RYR3: variants seen among roughly 807,000 people sequenced by gnomAD.
RYR3 encodes the protein brain ryanodine receptor-calcium release channel.
In RYR3, 207 loss-of-function variants were observed where a neutral mutation model predicts 584.3. The observed-to-expected ratio is 0.35, with a 90% CI of 0.32 to 0.40. The LOEUF (loss-of-function observed/expected upper bound fraction) is 0.40, where lower values mean the gene tolerates loss of function less well. Among genes scored for constraint, RYR3 ranks in the 10% least tolerant of loss-of-function variants. The pLI is 1.00. For missense variants in RYR3, 5,616 were observed against 6,089.2 expected (o/e 0.92, Z 2.59); for synonymous variants, 2,416 against 2,248.5 (o/e 1.07, Z -2.11).
intron 1 of RYR3, among the ~76,000 whole-genome samples, chr15:33,378,086 G>A (rs2040882953): frequency 6.6e-6 from 1 of 152,160 alleles, no homozygotes; most frequent in Non-Finnish European, 1.5e-5. Flanking sequence ...CTGGCCTGCT[G>A]TAAGAATTTA....
intron 1 of RYR3, among the ~76,000 whole-genome samples, chr15:33,464,491 C>CACACAA (rs2048316729): frequency 1.1e-5 from 1 of 89,102 alleles, no homozygotes; most frequent in African/African-American, 6.4e-5. Context: ...TATATATATA[C>CACACAA]ACATATATAT....
At chr15:33,505,023 C>G (rs2052347956) in intron 3 of RYR3, among the ~76,000 whole-genome samples, 2 of 152,180 alleles carry the variant, frequency 1.3e-5, no homozygotes, top group African/African-American at 4.8e-5. Context: ...CATTGCAAGT[C>G]TTTTTTCTTC....
intron 19 of RYR3, among the ~76,000 whole-genome samples, chr15:33,620,203 A>T (rs527341427): frequency 6.6e-6 from 1 of 152,198 alleles, no homozygotes; most frequent in East Asian, 1.9e-4. Flanking sequence ...CCTCTTTTCC[A>T]TGCAGCCCTT....
chr15:33,375,694 G>A (rs1396559826), intron 1 of RYR3, among the ~76,000 whole-genome samples: 1 of 152,190 alleles, frequency 6.6e-6, no homozygotes, highest in Non-Finnish European at 1.5e-5. Flanking sequence ...ACAGTAAAAT[G>A]CACAGATCTC....
In RYR3 at chr15:33,823,041, C is replaced by G; in HGVS notation, c.11041C>G (p.Gln3681Glu). The G allele has an allele frequency of 6.2e-7, 1 of 1,613,540 alleles. No individual in the cohort carries two copies. The highest frequency in any genetic ancestry group is 1.7e-5 in the Admixed American group (1 of 59,958). The change falls in exon 81 of 104, where the codon CAA becomes GAA. Residue 3681 changes from glutamine (Q) to glutamate (E), a missense_variant. Gln to Glu is a conservative substitution (Grantham distance 29). Around this residue, in one of 9 missense-constraint regions of RYR3, gnomAD observed 954 missense variants for 1,132.2 expected, o/e 0.84. Transcript: ENST00000634891. ...LKEKKDAGFF[Q>E]SLSGLMQSCS... is the part of the protein sequence containing the mutation. ...GGAGAAAAAGGATGCTGGATTCTTTCAAAGCCTTTCTGGTCTTATGCAGTC... is the reference window on the plus strand; with the variant it reads ...GGAGAAAAAGGATGCTGGATTCTTTGAAAGCCTTTCTGGTCTTATGCAGTC...
At chr15:33,721,792 A>G (rs533426045) in intron 43 of RYR3, among the ~76,000 whole-genome samples, 1 of 152,264 alleles carries the variant, frequency 6.6e-6, no homozygotes, top group Admixed American at 6.5e-5. Flanking sequence ...AGTTGTTCGA[A>G]CAAGCTACCA....
intron 67 of RYR3, among the ~76,000 whole-genome samples, chr15:33,791,907 T>C (rs1349476964): frequency 6.6e-5 from 10 of 151,416 alleles, no homozygotes; most frequent in Non-Finnish European, 1.3e-4. Context: ...GGGTACTAGA[T>C]AGGAGGAAGG....
chr15:33,624,950 T>C (rs2060909720), intron 20 of RYR3, among the ~76,000 whole-genome samples: 1 of 152,228 alleles, frequency 6.6e-6, no homozygotes, highest in African/African-American at 2.4e-5. Context: ...TCCATGTGTA[T>C]GTGTTCATGA....
Position 33,379,666 on chromosome 15 carries a change from C to CCTCTCTCTCTCTCTCTCTCT in RYR3, c.51+68573_51+68592dup, listed in dbSNP as rs72425368. ...GTATGTGTGTGTGTGTGTGTGTGTC[C>CCTCTCTCTCTCTCTCTCTCT]CTCTCTCTCTCTCTCTCTCTCTATA... On this transcript the variant is annotated intron_variant, in intron 1 of 103. Transcript: ENST00000634891. Among the ~76,000 whole-genome samples the CCTCTCTCTCTCTCTCTCTCT allele has an allele frequency of 2.1e-4, 27 of 129,320 alleles. 1 individual carries two copies. The highest frequency in any genetic ancestry group is 6.7e-4 in the African/African-American group (20 of 29,792). The allele number at this position is 129,320 out of a possible 152,430, so 84.8% of individuals were successfully genotyped here.
chr15:33,815,074 A>G (rs1374287125), intron 74 of RYR3, among the ~76,000 whole-genome samples: 1 of 151,588 alleles, frequency 6.6e-6, no homozygotes, highest in Non-Finnish European at 1.5e-5. Flanking sequence ...TGTCTCAAAA[A>G]AAAAAAAAAA....
At position 33,805,767 on chromosome 15, in the gene RYR3, A is replaced by G. The variant is rs184322524; in HGVS notation, c.10012-1788A>G. The stretch of plus-strand genomic sequence containing the variant: ...GCTGGGATTACAGGCTTGAGCCACC[A>G]CACCCGGCCTTCTCTTTTGTTTTTA... On this transcript the variant is annotated intron_variant, in intron 69 of 103. Coordinates refer to ENST00000634891, the MANE Select transcript of RYR3 (RefSeq NM_001036.6). Among the ~76,000 whole-genome samples, 776 of 152,014 alleles carry G rather than the reference A, an allele frequency of 5.1e-3. 5 individuals carry two copies. The highest frequency in any genetic ancestry group is 0.015 in the South Asian group (72 of 4,802).
chr15:33,822,950 G>A (rs953064210), intron 80 of RYR3, 46 bp from the exon 81 acceptor site: 2 of 1,520,060 alleles, frequency 1.3e-6, no homozygotes, highest in East Asian at 4.5e-5. Flanking sequence ...CAGCTCTGTG[G>A]TATAGTTTTC....
At chr15:33,437,467 G>A (rs1054944317) in intron 1 of RYR3, among the ~76,000 whole-genome samples, 1 of 152,166 alleles carries the variant, frequency 6.6e-6, no homozygotes, top group African/African-American at 2.4e-5. Context: ...TTTCAGGAAG[G>A]GAAAATCTTT....
intron 1 of RYR3, among the ~76,000 whole-genome samples, chr15:33,372,705 C>A (rs2141109438): frequency 6.6e-6 from 1 of 151,936 alleles, no homozygotes; most frequent in Non-Finnish European, 1.5e-5. Flanking sequence ...GGGGTTTCAC[C>A]ATGTTGCCCA....
intron 34 of RYR3, among the ~76,000 whole-genome samples, chr15:33,661,392 C>T (rs1596027823): frequency 6.6e-6 from 1 of 152,116 alleles, no homozygotes; most frequent in Admixed American, 6.5e-5. Context: ...TTTGTGAAAA[C>T]AAAACAAGTA....
chr15:33,696,580 A>C, intron 39 of RYR3, 89 bp downstream of exon 39: 2 of 1,318,748 alleles, frequency 1.5e-6, no homozygotes, highest in South Asian at 2.8e-5. Flanking sequence ...AGTGGAATCA[A>C]ATCATATTAA....
chr15:33,644,470 A>G lies in RYR3; in HGVS notation c.3716A>G (p.Lys1239Arg), dbSNP rs753965725. ...AGAGATGTTGCTATGTGGTTCAGCA[A>G]GCGCCTCCCGACGTTTGTCAACGTG... is the stretch of plus-strand genomic sequence containing the variant. The part of the protein sequence containing the change: ...MNRDVAMWFS[K>R]RLPTFVNVPK... Residue 1239 changes from lysine (K) to arginine (R), a missense_variant, in exon 28 of 104, where the codon AAG becomes AGG. Coordinates refer to ENST00000634891, the MANE Select transcript of RYR3 (RefSeq NM_001036.6). 3.1e-6 allele frequency: 5 copies of G among 1,613,942 alleles called. No individual in the cohort carries two copies. Among genetic ancestry groups the G allele is most frequent in the East Asian group, 4.5e-5 (2 of 44,874 alleles).
intron 3 of RYR3, among the ~76,000 whole-genome samples, chr15:33,522,011 T>C (rs1048382580): frequency 1.3e-5 from 2 of 150,118 alleles, no homozygotes; most frequent in East Asian, 2.0e-4. Context: ...CCCAGCACTT[T>C]GGGAGGCCGA....
At chr15:33,579,914 G>C in intron 12 of RYR3, 62 bp from the exon 13 acceptor site, 1 of 1,364,732 alleles carries the variant, frequency 7.3e-7, no homozygotes, top group Non-Finnish European at 1.0e-6. Context: ...GGACCCAGTG[G>C]GTGTTCATCA....
Sources: gnomAD v4.1 joint callset for allele counts (sites outside exome capture counted in the v4.1 genomes callset) on GRCh38, gnomAD v4.1.1 for gene constraint, gnomAD v4.1.1 regional missense constraint, MANE v1.5 for transcripts, NCBI Gene and HGNC (gene_info 2026-07-23, HGNC 2026-07-21) for gene names.